Variants in MOSMO observed in about 807,000 individuals in gnomAD.
MOSMO encodes modulator of smoothened protein.
In MOSMO, 5 loss-of-function variants were observed where a neutral mutation model predicts 18.4. The observed-to-expected ratio is 0.27, with a 90% CI of 0.14 to 0.57. The LOEUF is 0.57. Among genes scored for constraint, MOSMO ranks in the 20% least tolerant of loss-of-function variants. The pLI, the probability that MOSMO is intolerant of heterozygous loss-of-function variation, is 0.92. For missense variants in MOSMO, 138 were observed against 211.8 expected (o/e 0.65, Z 2.16); for synonymous variants, 82 against 82.3 (o/e 1.00, Z 0.02).
At chr16:22,058,149 C>T (rs897299085) in intron 1 of MOSMO, among the ~76,000 whole-genome samples, 12 of 152,070 alleles carry the variant, frequency 7.9e-5, no homozygotes, top group South Asian at 2.1e-4. Context: ...TGTTCTAGGC[C>T]GGGTGTGGTG....
chr16:22,051,249 A>G (rs1357345129), intron 1 of MOSMO, among the ~76,000 whole-genome samples: 1 of 151,870 alleles, frequency 6.6e-6, no homozygotes, highest in Non-Finnish European at 1.5e-5. Context: ...TTAGCCGAGC[A>G]TGGTGGTGCA....
chr16:22,023,865 G>C (rs1417148405), intron 1 of MOSMO, among the ~76,000 whole-genome samples: 2 of 151,736 alleles, frequency 1.3e-5, no homozygotes, highest in Non-Finnish European at 2.9e-5. Context: ...TATTGATACA[G>C]GCTACAGAGG....
chr16:22,090,676 AC>A (rs1165353212), downstream of MOSMO, among the ~76,000 whole-genome samples: 1 of 152,216 alleles, frequency 6.6e-6, no homozygotes, highest in Non-Finnish European at 1.5e-5. Flanking sequence ...TAAATAAAAG[AC>A]CAGAGATGAG....
intron 1 of MOSMO, among the ~76,000 whole-genome samples, chr16:22,029,265 C>T (rs1243751454): frequency 6.6e-6 from 1 of 152,116 alleles, no homozygotes; most frequent in Non-Finnish European, 1.5e-5. Context: ...CATTCTTTCT[C>T]TGGGCTGTTA....
In MOSMO at chr16:22,075,992, C is replaced by T. The variant is rs565914131; in HGVS notation, c.319+293C>T. On this transcript the variant is annotated intron_variant, in intron 2 of 2. Coordinates refer to ENST00000542527, the MANE Select transcript of MOSMO (RefSeq NM_001164579.2). ...GTTTGTGACTCAGAGTTACCAGTAG[C>T]CTGAGTCTTTTCCTCTTCTTGAAGC... 2.7e-4 allele frequency: 84 copies of T among 311,884 alleles called. 2 individuals are homozygous for T. Among genetic ancestry groups the T allele is most frequent in the South Asian group, 2.3e-3 (69 of 29,506 alleles). 19.3% of individuals were successfully genotyped at this position (311,884 alleles called of 1,614,324 possible).
intron 1 of MOSMO, 114 bp from the exon 2 acceptor site, chr16:22,075,373 T>C (rs1900943440): frequency 2.6e-6 from 2 of 783,808 alleles, no homozygotes; most frequent in Admixed American, 4.1e-5. Flanking sequence ...AGGATGTGCT[T>C]GAATGACCCA....
At chr16:22,088,480 G>A (rs1172946724), downstream of MOSMO, among the ~76,000 whole-genome samples, 3 of 152,186 alleles carry the variant, frequency 2.0e-5, no homozygotes, top group Admixed American at 6.5e-5. Flanking sequence ...TAATGCTGCT[G>A]TGAACTTAGG....
At chr16:22,090,630 C>T (rs1273401047), downstream of MOSMO, among the ~76,000 whole-genome samples, 1 of 152,140 alleles carries the variant, frequency 6.6e-6, no homozygotes, top group Non-Finnish European at 1.5e-5. Flanking sequence ...AATATATATC[C>T]CACCATATTC....
chr16:22,057,504 T>G (rs775880408), intron 1 of MOSMO, among the ~76,000 whole-genome samples: 1 of 152,240 alleles, frequency 6.6e-6, no homozygotes, highest in East Asian at 1.9e-4. Context: ...AATTTTGGGT[T>G]GCACATTGAA....
At position 22,080,744 on chromosome 16, in the gene MOSMO, T is replaced by C; in HGVS notation, c.368T>C (p.Ile123Thr). ...CTAATATTTCCAATAGGATTTTACA[T>C]CAATGAAGTCGGAGGTCAACCTTAT... ...AALIFPIGFY[I>T]NEVGGQPYKL... The change falls in exon 3 of 3, where the codon ATC becomes ACC. Residue 123 changes from isoleucine (I) to threonine (T), a missense_variant. Ile to Thr is a moderately conservative substitution (Grantham distance 89). Coordinates refer to ENST00000542527, the MANE Select transcript of MOSMO (RefSeq NM_001164579.2). 6.6e-7 allele frequency: 1 copy of C among 1,504,958 alleles called. No homozygotes were observed. Among genetic ancestry groups the C allele is most frequent in the South Asian group, 1.3e-5 (1 of 79,256 alleles). The allele number at this position is 1,504,958 out of a possible 1,614,324, so 93.2% of individuals were successfully genotyped here.
intron 1 of MOSMO, among the ~76,000 whole-genome samples, chr16:22,054,251 A>G (rs1598015428): frequency 6.6e-6 from 1 of 152,184 alleles, no homozygotes; most frequent in East Asian, 1.9e-4. Flanking sequence ...ACATGCCACC[A>G]CACTTGGCTG....
At chr16:22,012,154 A>G (rs1009677197) in intron 1 of MOSMO, among the ~76,000 whole-genome samples, 7 of 152,166 alleles carry the variant, frequency 4.6e-5, no homozygotes, top group Non-Finnish European at 7.3e-5. Flanking sequence ...CAGTTTTTAT[A>G]CCGGATAAAA....
intron 1 of MOSMO, among the ~76,000 whole-genome samples, chr16:22,014,249 C>T (rs1397823091): frequency 6.6e-6 from 1 of 152,144 alleles, no homozygotes; most frequent in African/African-American, 2.4e-5. Flanking sequence ...AGTGAGGAGA[C>T]ACAAATGAGC....
intron 1 of MOSMO, among the ~76,000 whole-genome samples, chr16:22,041,257 T>G (rs1451453709): frequency 6.6e-6 from 1 of 152,192 alleles, no homozygotes; most frequent in Non-Finnish European, 1.5e-5. Context: ...GTGGAGTCAT[T>G]TAAGGGAAGC....
chr16:22,025,446 C>A (rs374814984), intron 1 of MOSMO, among the ~76,000 whole-genome samples: 1 of 152,188 alleles, frequency 6.6e-6, no homozygotes, highest in Admixed American at 6.5e-5. Flanking sequence ...AAATTCTAGT[C>A]CATGGACAAC....
chr16:22,015,529 A>T (rs1194017394), intron 1 of MOSMO, among the ~76,000 whole-genome samples: 1 of 152,192 alleles, frequency 6.6e-6, no homozygotes, highest in Non-Finnish European at 1.5e-5. Flanking sequence ...GATGTTTTTT[A>T]AATGTGATTT....
chr16:22,051,686 C>G (rs1350430916), intron 1 of MOSMO, among the ~76,000 whole-genome samples: 3 of 152,090 alleles, frequency 2.0e-5, no homozygotes, highest in Non-Finnish European at 4.4e-5. Flanking sequence ...GTGACTTGTT[C>G]CAGCAAGTTA....
At chr16:22,080,590 C>A in intron 2 of MOSMO, 106 bp from the exon 3 acceptor site, 1 of 562,424 alleles carries the variant, frequency 1.8e-6, no homozygotes, top group Non-Finnish European at 2.8e-6. Flanking sequence ...CATGTTTTAA[C>A]AGGTTTGGCC....
intron 1 of MOSMO, among the ~76,000 whole-genome samples, chr16:22,052,120 C>T (rs970411114): frequency 4.0e-5 from 6 of 151,890 alleles, no homozygotes; most frequent in African/African-American, 7.3e-5. Flanking sequence ...AAATGAATTT[C>T]GTAACGATAA....
Sources: gnomAD v4.1 joint callset for allele counts (sites outside exome capture counted in the v4.1 genomes callset) on GRCh38, gnomAD v4.1.1 for gene constraint, MANE v1.5 for transcripts, NCBI Gene and HGNC (gene_info 2026-07-23, HGNC 2026-07-21) for gene names.